The following PUS10 variants were observed in gnomAD, a reference collection of about 807,000 sequenced individuals.
PUS10 encodes the protein tRNA pseudouridine synthase Pus10.
A neutral mutation model predicts 75.0 loss-of-function variants in PUS10; 59 were observed. The ratio of observed to expected loss-of-function variants is 0.79; its 90% confidence interval spans 0.64 to 0.98. The LOEUF is 0.98. Ranked by LOEUF, PUS10 falls within the 50% of genes least tolerant of loss-of-function variation. The pLI is 0.00. For missense variants in PUS10, 650 were observed against 614.4 expected (o/e 1.06, Z -0.61); for synonymous variants, 219 against 211.6 (o/e 1.03, Z -0.30).
chr2:60,980,688 C>T (rs182088337), intron 4 of PUS10, among the ~76,000 whole-genome samples: 5 of 152,130 alleles, frequency 3.3e-5, no homozygotes, highest in African/African-American at 1.2e-4. Context: ...GACAAACACA[C>T]ATGAACACAC....
chr2:60,973,504 T>C (rs1241557527), intron 4 of PUS10, among the ~76,000 whole-genome samples: 3 of 152,226 alleles, frequency 2.0e-5, no homozygotes, highest in Non-Finnish European at 4.4e-5. Context: ...TGCACACTCA[T>C]GGCAGTGCTG....
At chr2:61,001,306 G>A (rs1299770145) in intron 4 of PUS10, among the ~76,000 whole-genome samples, 1 of 143,490 alleles carries the variant, frequency 7.0e-6, no homozygotes, top group Non-Finnish European at 1.5e-5. Flanking sequence ...TTTTTTTTTA[G>A]ATGTAGTCTC....
At position 61,015,781 on chromosome 2, in the gene PUS10, T is replaced by C. The variant is rs556857980; in HGVS notation, c.-16+2227A>G. Reference sequence around the variant, plus strand: ...GATCTGGATCCCTTTTCCCAGCCCATTTAATCTACTTTGATGCAGAGAAGA... The same window carrying C: ...GATCTGGATCCCTTTTCCCAGCCCACTTAATCTACTTTGATGCAGAGAAGA... On this transcript the variant is annotated intron_variant, in intron 1 of 17. Coordinates refer to ENST00000316752, the MANE Select transcript of PUS10 (RefSeq NM_144709.4). Among the ~76,000 whole-genome samples the C allele has an allele frequency of 2.0e-5, 3 of 152,294 alleles. No individual in the cohort carries two copies. In the East Asian group the frequency reaches 5.8e-4, roughly 29 times the overall value.
intron 4 of PUS10, among the ~76,000 whole-genome samples, chr2:60,980,306 T>C (rs1003163477): frequency 6.6e-6 from 1 of 152,244 alleles, no homozygotes; most frequent in Non-Finnish European, 1.5e-5. Context: ...TCTTTGAATT[T>C]GGTTTTAGAG....
chr2:60,973,203 G>A (rs1410822190), intron 4 of PUS10, among the ~76,000 whole-genome samples: 4 of 152,370 alleles, frequency 2.6e-5, no homozygotes, highest in Non-Finnish European at 4.4e-5. Flanking sequence ...GCCGGGACTC[G>A]TGGGGCCAGC....
intron 3 of PUS10, 111 bp from the exon 4 acceptor site, chr2:61,006,754 A>G: frequency 1.3e-6 from 1 of 742,124 alleles, no homozygotes; most frequent in Non-Finnish European, 2.2e-6. Context: ...CAAAACTTCC[A>G]AACTTTCACA....
chr2:60,998,742 T>C (rs1007006288), intron 4 of PUS10: 2 of 151,552 alleles, frequency 1.3e-5, no homozygotes, highest in African/African-American at 2.4e-5. Flanking sequence ...GCTACAGAAA[T>C]TGTACTGCTG....
intron 4 of PUS10, among the ~76,000 whole-genome samples, chr2:60,984,363 A>G (rs1677589653): frequency 6.6e-6 from 1 of 152,228 alleles, no homozygotes; most frequent in Non-Finnish European, 1.5e-5. Context: ...ATCAAATAGT[A>G]CAAGTGTGAA....
rs548770671 is a variant in PUS10, at chr2:60,982,891, G to A, written c.469-11334C>T. On this transcript the variant is annotated intron_variant, in intron 4 of 17. Transcript: ENST00000316752. ...GACACCCAGGCTGGAGCTCAGTGGC[G>A]CGATCATGACTCACTGCAGCCTCTA... Among the ~76,000 whole-genome samples the A allele has an allele frequency of 4.6e-5, 7 of 151,508 alleles. No homozygotes were observed. The South Asian group carries it at 8.3e-4, about 18-fold the overall frequency.
At chr2:61,008,723 T>C (rs746497399) in intron 3 of PUS10, 38 bp downstream of exon 3, 1 of 1,430,536 alleles carries the variant, frequency 7.0e-7, no homozygotes. Flanking sequence ...TGAAAATCTC[T>C]ACATAATTGC....
intron 8 of PUS10, among the ~76,000 whole-genome samples, chr2:60,963,896 T>G (rs1266463045): frequency 6.6e-6 from 1 of 152,264 alleles, no homozygotes; most frequent in African/African-American, 2.4e-5. Context: ...ACTTGATGCC[T>G]ATTATTATAT....
chr2:61,008,595 G>C (rs1679392133), intron 3 of PUS10, among the ~76,000 whole-genome samples, 166 bp downstream of exon 3: 1 of 152,160 alleles, frequency 6.6e-6, no homozygotes, highest in South Asian at 2.1e-4. Context: ...AGGAGTTGGA[G>C]GCTGCAGTCA....
At chr2:60,944,714 C>T (rs372342608) in intron 17 of PUS10, among the ~76,000 whole-genome samples, 17 of 152,004 alleles carry the variant, frequency 1.1e-4, no homozygotes, top group African/African-American at 3.6e-4. Flanking sequence ...CTTTATAAAA[C>T]GCAACAGGTA....
intron 1 of PUS10, chr2:61,017,500 CGAT>C: frequency 2.6e-6 from 1 of 383,134 alleles, no homozygotes; most frequent in East Asian, 4.1e-5. Context: ...CCAGAAATAT[CGAT>C]GAGCCTTTAC....
At chr2:60,975,666 C>CAA (rs1160640734) in intron 4 of PUS10, among the ~76,000 whole-genome samples, 43 of 79,490 alleles carry the variant, frequency 5.4e-4, no homozygotes, top group African/African-American at 1.3e-3. Flanking sequence ...AGGGAGCATT[C>CAA]AAAAAAAAAA....
chr2:60,994,171 G>C (rs138072889), intron 4 of PUS10, among the ~76,000 whole-genome samples: 1 of 151,700 alleles, frequency 6.6e-6, no homozygotes, highest in African/African-American at 2.4e-5. Flanking sequence ...GAAAGTAGTA[G>C]TACTATTCCT....
At chr2:61,009,090 G>A (rs1679436682) in intron 2 of PUS10, 75 bp from the exon 3 acceptor site, 2 of 1,320,874 alleles carry the variant, frequency 1.5e-6, no homozygotes, top group Non-Finnish European at 2.1e-6. Context: ...GATGAAACAA[G>A]AAAACATGAG....
At chr2:60,992,186 T>C (rs1322242458) in intron 4 of PUS10, among the ~76,000 whole-genome samples, 2 of 152,094 alleles carry the variant, frequency 1.3e-5, no homozygotes, top group African/African-American at 4.8e-5. Context: ...AATTTTTACA[T>C]TACATTTTTA....
intron 11 of PUS10, among the ~76,000 whole-genome samples, chr2:60,958,551 T>C (rs1389904295): frequency 6.6e-6 from 1 of 152,180 alleles, no homozygotes; most frequent in Non-Finnish European, 1.5e-5. Context: ...TCTTAAGGTC[T>C]TTCAGAGAGA....
Sources: gnomAD v4.1 joint callset for allele counts (sites outside exome capture counted in the v4.1 genomes callset) on GRCh38, gnomAD v4.1.1 for gene constraint, MANE v1.5 for transcripts, NCBI Gene and HGNC (gene_info 2026-07-23, HGNC 2026-07-21) for gene names.